The following ELOVL5 variants were observed in gnomAD, a reference collection of about 807,000 sequenced individuals.
ELOVL5 encodes the protein very long chain fatty acid elongase 5.
In ELOVL5, 8 loss-of-function variants were observed where a neutral mutation model predicts 38.6. The ratio of observed to expected loss-of-function variants is 0.21; its 90% CI spans 0.12 to 0.37. The LOEUF (loss-of-function observed/expected upper bound fraction) is 0.37, where lower values mean the gene tolerates loss of function less well. Ranked by LOEUF, ELOVL5 falls within the 10% of genes least tolerant of loss-of-function variation. The pLI is 1.00. For missense variants in ELOVL5, 280 were observed against 367.8 expected, an observed-to-expected ratio of 0.76 and a Z score of 1.95; for synonymous variants, 127 against 133.7, an observed-to-expected ratio of 0.95 and a Z score of 0.34.
intron 1 of ELOVL5, among the ~76,000 whole-genome samples, chr6:53,322,673 G>A (rs1768347135): frequency 6.6e-6 from 1 of 152,134 alleles, no homozygotes. Context: ...AAATCCTCAC[G>A]AGGACAACCA....
rs1231634980 is a variant in ELOVL5, at chr6:53,270,675, C to T, written c.674G>A (p.Cys225Tyr). ...ATACAACCAACCAAGAGGGAATGTGCACGGCCAGATGACCCCGCAGCTGGT... is the reference window on the plus strand; with the variant it reads ...ATACAACCAACCAAGAGGGAATGTGTACGGCCAGATGACCCCGCAGCTGGT... The part of the protein sequence containing the change: ...IQTSCGVIWP[C>Y]TFPLGWLYFQ... The change falls in exon 7 of 8, where the codon TGC becomes TAC. Residue 225 changes from cysteine to tyrosine, a missense_variant. Cys to Tyr is a radical substitution (Grantham distance 194, BLOSUM62 -2). This residue lies in a region of ELOVL5 where 125 missense variants were observed against 158.9 expected (regional missense o/e 0.79). Coordinates refer to ENST00000304434, the MANE Select transcript of ELOVL5 (RefSeq NM_021814.5). The T allele has an allele frequency of 1.2e-6, 2 of 1,614,030 alleles. No homozygotes were observed. Among genetic ancestry groups the T allele is most frequent in the East Asian group, 2.2e-5 (1 of 44,898 alleles).
intron 1 of ELOVL5, among the ~76,000 whole-genome samples, chr6:53,314,728 G>GA (rs1001050527): frequency 1.3e-4 from 19 of 150,830 alleles, no homozygotes; most frequent in African/African-American, 3.7e-4. Flanking sequence ...AAATTAAAAA[G>GA]AAAAAAAAAT....
rs1333691466 is a variant in ELOVL5, at chr6:53,305,287, C to T, written c.-8-9580G>A. On this transcript the variant is annotated intron_variant, in intron 1 of 7. Transcript: ENST00000304434. ...CCCAGTAGGGGCGGCCGGGCAGAGG[C>T]GCCCCTCACCTCCCGGACAGGGCGG... Among the ~76,000 whole-genome samples the T allele has an allele frequency of 2.7e-3, 380 of 139,746 alleles. 1 individual carries two copies. The highest frequency in any genetic ancestry group is 8.9e-3 in the African/African-American group (323 of 36,322). 91.7% of individuals were successfully genotyped at this position (139,746 alleles called of 152,430 possible).
chr6:53,336,363 T>C (rs1769067784), intron 1 of ELOVL5, among the ~76,000 whole-genome samples: 1 of 152,146 alleles, frequency 6.6e-6, no homozygotes, highest in African/African-American at 2.4e-5. Flanking sequence ...AAAACAAGGT[T>C]AAATAAGAGG....
intron 1 of ELOVL5, among the ~76,000 whole-genome samples, chr6:53,304,430 A>G (rs1013195909): frequency 3.6e-5 from 5 of 140,808 alleles, no homozygotes; most frequent in African/African-American, 1.1e-4. Flanking sequence ...ACAAACACAC[A>G]CACCTCTTTT....
rs1765817663 is a variant in ELOVL5, at chr6:53,268,668, T to G, written c.*459A>C. On this transcript the variant is annotated 3_prime_UTR_variant, in exon 8 of 8. Coordinates refer to ENST00000304434, the MANE Select transcript of ELOVL5 (RefSeq NM_021814.5). ...ATTAATACAAACTTGAAACATACCC[T>G]AATTTAAACTAATAAGCTTTGGGCC... 1 of 152,894 alleles carries G rather than the reference T, an allele frequency of 6.5e-6. No homozygotes were observed. Among genetic ancestry groups the G allele is most frequent in the African/African-American group, 2.4e-5 (1 of 41,476 alleles). 9.5% of individuals were successfully genotyped at this position (152,894 alleles called of 1,614,324 possible).
At chr6:53,292,192 AAAT>A (rs1401213788) in intron 2 of ELOVL5, among the ~76,000 whole-genome samples, 3 of 152,332 alleles carry the variant, frequency 2.0e-5, no homozygotes, top group East Asian at 1.9e-4. Flanking sequence ...TTGCTCAGTA[AAAT>A]AATAATACAA....
At position 53,324,691 on chromosome 6, in the gene ELOVL5, A is replaced by AAAAAAAAAAAAAAC. The variant is rs70980840; in HGVS notation, c.-9+24125_-9+24126insGTTTTTTTTTTTTT. 6.4e-4 allele frequency among the ~76,000 whole-genome samples: 75 copies of AAAAAAAAAAAAAAC among 118,052 alleles called. 6 individuals carry two copies. Among genetic ancestry groups the AAAAAAAAAAAAAAC allele is most frequent in the Middle Eastern group, 5.3e-3 (1 of 190 alleles). The allele number at this position is 118,052 out of a possible 152,430, so 77.4% of individuals were successfully genotyped here. ...TCCTGTCAAAAAAAAAAAAAAAAAA[A>AAAAAAAAAAAAAAC]GGAAAAGAAATAGAATCAGGAAGGA... On this transcript the variant is annotated intron_variant, in intron 1 of 7. Coordinates refer to ENST00000304434, the MANE Select transcript of ELOVL5 (RefSeq NM_021814.5).
intron 1 of ELOVL5, among the ~76,000 whole-genome samples, chr6:53,319,551 T>G (rs1325326524): frequency 6.6e-6 from 1 of 152,146 alleles, no homozygotes; most frequent in African/African-American, 2.4e-5. Context: ...CTCTCCTCCC[T>G]AGGGTTACTT....
At chr6:53,270,248 T>C (rs1049514927) in intron 7 of ELOVL5, among the ~76,000 whole-genome samples, 13 of 152,198 alleles carry the variant, frequency 8.5e-5, no homozygotes, top group African/African-American at 3.1e-4. Flanking sequence ...TGAAATTTCA[T>C]TTGGCCATGA....
At chr6:53,308,116 TA>T (rs35764938) in intron 1 of ELOVL5, among the ~76,000 whole-genome samples, 9 of 150,040 alleles carry the variant, frequency 6.0e-5, no homozygotes, top group Admixed American at 4.0e-4. Flanking sequence ...ATTATCAAGT[TA>T]AAAAAAAAAG....
chr6:53,304,526 G>A (rs866483917), intron 1 of ELOVL5, among the ~76,000 whole-genome samples: 4 of 152,114 alleles, frequency 2.6e-5, no homozygotes, highest in African/African-American at 7.2e-5. Context: ...GGACAACAGC[G>A]GAGGGAAGGT....
intron 1 of ELOVL5, among the ~76,000 whole-genome samples, chr6:53,300,385 C>A (rs1767202705): frequency 1.3e-5 from 2 of 152,108 alleles, no homozygotes; most frequent in African/African-American, 2.4e-5. Context: ...CCTGGGATTG[C>A]AGGCTGGTGA....
intron 1 of ELOVL5, among the ~76,000 whole-genome samples, chr6:53,326,361 T>C (rs1768540457): frequency 6.6e-6 from 1 of 152,130 alleles, no homozygotes. Flanking sequence ...GTCACCTTGC[T>C]CTCTGGATAC....
At chr6:53,305,067 ACC>A (rs1767434701) in intron 1 of ELOVL5, among the ~76,000 whole-genome samples, 1 of 90,924 alleles carries the variant, frequency 1.1e-5, no homozygotes, top group Non-Finnish European at 2.2e-5. Flanking sequence ...GACCCCCCCC[ACC>A]TCCCTCCCGG....
At chr6:53,301,449 G>A (rs1210613746) in intron 1 of ELOVL5, among the ~76,000 whole-genome samples, 1 of 152,198 alleles carries the variant, frequency 6.6e-6, no homozygotes, top group Non-Finnish European at 1.5e-5. Context: ...CCCACACACT[G>A]ACAGGAAAAT....
chr6:53,288,431 T>C (rs961476471), intron 3 of ELOVL5, among the ~76,000 whole-genome samples: 3 of 152,216 alleles, frequency 2.0e-5, no homozygotes, highest in Non-Finnish European at 4.4e-5. Flanking sequence ...ACTGTGATAT[T>C]AGACAACCCC....
chr6:53,270,795 T>A (rs1435543619), intron 6 of ELOVL5, 68 bp from the exon 7 acceptor site: 4 of 1,576,300 alleles, frequency 2.5e-6, no homozygotes, highest in Non-Finnish European at 3.5e-6. Flanking sequence ...CCAGGCAGAC[T>A]TTTTAACCAG....
At chr6:53,289,521 C>A (rs191064463) in intron 3 of ELOVL5, among the ~76,000 whole-genome samples, 1 of 152,212 alleles carries the variant, frequency 6.6e-6, no homozygotes, top group Non-Finnish European at 1.5e-5. Flanking sequence ...GAGTTCAAGA[C>A]CAGCCTGGCC....
Sources: gnomAD v4.1 joint callset for allele counts (sites outside exome capture counted in the v4.1 genomes callset) on GRCh38, gnomAD v4.1.1 for gene constraint, gnomAD v4.1.1 regional missense constraint, MANE v1.5 for transcripts, NCBI Gene and HGNC (gene_info 2026-07-23, HGNC 2026-07-21) for gene names.